Variants in RALGPS2 observed in about 807,000 individuals in gnomAD.
RALGPS2 encodes Ral GEF with PH domain and SH3 binding motif 2.
A neutral mutation model predicts 86.8 loss-of-function variants in RALGPS2; 43 were observed. The observed-to-expected ratio is 0.50, with a 90% CI of 0.39 to 0.64. The LOEUF is 0.64. RALGPS2 is among the 30% of genes least tolerant of loss of function. The probability of loss-of-function intolerance (pLI) is 0.00; values close to 1 mark genes in which losing one functional copy is unlikely to be tolerated. For synonymous variants in RALGPS2, 243 were observed against 231.3 expected (o/e 1.05, Z -0.46); for missense variants, 536 against 694.6 (o/e 0.77, Z 2.57).
chr1:178,801,867 G>A (rs1395606188), intron 4 of RALGPS2, among the ~76,000 whole-genome samples: 1 of 152,146 alleles, frequency 6.6e-6, no homozygotes, highest in African/African-American at 2.4e-5. Context: ...TTTGGAAGCA[G>A]CTGGGTTAAA....
intron 10 of RALGPS2, 65 bp from the exon 11 acceptor site, chr1:178,883,401 A>G (rs904122189): frequency 1.1e-5 from 14 of 1,275,038 alleles, no homozygotes; most frequent in Non-Finnish European, 1.6e-5. Flanking sequence ...AAAATACACA[A>G]CTTTAATCTT....
chr1:178,819,878 C>T (rs1655415077), intron 6 of RALGPS2, among the ~76,000 whole-genome samples: 1 of 152,124 alleles, frequency 6.6e-6, no homozygotes, highest in Non-Finnish European at 1.5e-5. Flanking sequence ...TGATTCCCTT[C>T]CTGTATGCCA....
intron 4 of RALGPS2, among the ~76,000 whole-genome samples, chr1:178,787,809 C>T (rs1451285163): frequency 2.0e-5 from 3 of 152,160 alleles, no homozygotes; most frequent in Non-Finnish European, 4.4e-5. Context: ...ACTGTCTTCT[C>T]TCAAGTGAAT....
chr1:178,865,489 C>T, intron 8 of RALGPS2: 1 of 1,614,124 alleles, frequency 6.2e-7, no homozygotes. Flanking sequence ...CTATCTCCCG[C>T]TTCTGCCTGG....
chr1:178,848,278 T>C (rs1005720086), intron 8 of RALGPS2, among the ~76,000 whole-genome samples: 1 of 151,920 alleles, frequency 6.6e-6, no homozygotes, highest in African/African-American at 2.4e-5. Context: ...GCCACTGCAC[T>C]CCAGCCTGGG....
chr1:178,767,358 CTTTTTTTTTTTTTT>C (rs1159630163), intron 1 of RALGPS2, among the ~76,000 whole-genome samples: 2 of 70,432 alleles, frequency 2.8e-5, no homozygotes, highest in Non-Finnish European at 5.1e-5. Context: ...TGTCCTTTGG[CTTTTTTTTTTTTTT>C]TTTTTTTTTG....
At chr1:178,792,947 T>C (rs958249390) in intron 4 of RALGPS2, among the ~76,000 whole-genome samples, 2 of 152,216 alleles carry the variant, frequency 1.3e-5, no homozygotes, top group Non-Finnish European at 2.9e-5. Context: ...GTCTTTTCTT[T>C]TTTAGTTTAA....
At position 178,877,635 on chromosome 1, in the gene RALGPS2, G is replaced by T; in HGVS notation, c.745G>T (p.Asp249Tyr). Reference protein sequence around the residue: ...ISDLQQSCEYDIPMLPHVQKY... With the variant: ...ISDLQQSCEYYIPMLPHVQKY... ...TGATTTACAGCAGTCTTGTGAATAT[G>T]GTAAGTTTCTAGGGGATAATGCCAA... Residue 249 changes from aspartate to tyrosine, a missense_variant and splice_region_variant, in exon 9 of 20, where the codon GAT (aspartate) becomes TAT (tyrosine). Asp to Tyr is a radical substitution (Grantham distance 160, BLOSUM62 -3). Coordinates refer to ENST00000367635, the MANE Select transcript of RALGPS2 (RefSeq NM_152663.5). 1 of 1,612,660 alleles carries T rather than the reference G, an allele frequency of 6.2e-7. No homozygotes were observed. Among genetic ancestry groups the T allele is most frequent in the South Asian group, 1.1e-5 (1 of 90,984 alleles).
intron 8 of RALGPS2, among the ~76,000 whole-genome samples, chr1:178,859,695 CTTTT>C (rs1190050936): frequency 1.8e-5 from 2 of 108,248 alleles, no homozygotes; most frequent in Admixed American, 9.5e-5. Context: ...ACACGAAGCA[CTTTT>C]TTTTTTTTTT....
chr1:178,788,846 T>TTTC (rs1323533993), intron 4 of RALGPS2, among the ~76,000 whole-genome samples: 16 of 27,662 alleles, frequency 5.8e-4, no homozygotes, highest in Middle Eastern at 0.02. Context: ...TCTTTCTTTC[T>TTTC]TTTCTTTTCT....
intron 1 of RALGPS2, among the ~76,000 whole-genome samples, chr1:178,764,959 A>G (rs554360846): frequency 1.3e-5 from 2 of 152,070 alleles, no homozygotes; most frequent in East Asian, 1.9e-4. Context: ...TGGTTGTTGG[A>G]CAGTGTGTAA....
intron 1 of RALGPS2, among the ~76,000 whole-genome samples, chr1:178,743,723 T>C (rs886243946): frequency 7.2e-5 from 11 of 152,222 alleles, no homozygotes; most frequent in African/African-American, 2.4e-4. Context: ...AATAACTTTA[T>C]GCCTATACAT....
chr1:178,815,183 T>C (rs1655168977), intron 6 of RALGPS2, among the ~76,000 whole-genome samples: 1 of 152,072 alleles, frequency 6.6e-6, no homozygotes, highest in South Asian at 2.1e-4. Context: ...TGGGTTCATG[T>C]GATTCTCCTG....
rs146341953 is a variant in RALGPS2 at position 178,890,713 on chromosome 1, G to A, written c.1247+1017G>A. Among the ~76,000 whole-genome samples, 72 of 151,894 alleles carry A rather than the reference G, an allele frequency of 4.7e-4. 2 individuals are homozygous for A. In the East Asian group the frequency reaches 7.9e-3, roughly 17 times the overall value. The stretch of plus-strand genomic sequence containing the variant: ...TATGTGATTAAGATTTTGTTTATAA[G>A]TTCTACATTGCAAAGTACTTTTGAT... On this transcript the variant is annotated intron_variant, in intron 14 of 19. Coordinates refer to ENST00000367635, the MANE Select transcript of RALGPS2 (RefSeq NM_152663.5).
intron 1 of RALGPS2, among the ~76,000 whole-genome samples, chr1:178,772,829 A>G (rs548646294): frequency 2.0e-4 from 30 of 152,176 alleles, no homozygotes; most frequent in Non-Finnish European, 3.7e-4. Context: ...TTTGAGGCGG[A>G]GTCTCGCTGT....
intron 1 of RALGPS2, among the ~76,000 whole-genome samples, chr1:178,773,440 C>T (rs1224883069): frequency 6.6e-6 from 1 of 152,144 alleles, no homozygotes; most frequent in Admixed American, 6.5e-5. Flanking sequence ...ATATATTTGG[C>T]ATATTTAATG....
intron 17 of RALGPS2, among the ~76,000 whole-genome samples, chr1:178,900,218 C>T (rs1475328692): frequency 1.3e-5 from 2 of 151,832 alleles, no homozygotes; most frequent in Non-Finnish European, 2.9e-5. Context: ...TATACCTGTT[C>T]ATGGCAATAA....
At chr1:178,814,343 A>G (rs749444350) in intron 6 of RALGPS2, among the ~76,000 whole-genome samples, 4 of 152,348 alleles carry the variant, frequency 2.6e-5, no homozygotes, top group African/African-American at 4.8e-5. Context: ...TGCTGCCATA[A>G]GCATTCTTGT....
rs143255550 is a variant in RALGPS2 at position 178,736,907 on chromosome 1, A to G, written c.-84+11488A>G. Among the ~76,000 whole-genome samples, 276 of 152,310 alleles carry G rather than the reference A, an allele frequency of 1.8e-3. 4 individuals carry two copies. Among genetic ancestry groups the G allele is most frequent in the African/African-American group, 6.5e-3 (271 of 41,584 alleles). ...AGGACACCCCTGTCTTAAAAAACAAAAAGCATATGAAGACTAATACAGTTA... is the reference window on the plus strand; with the variant it reads ...AGGACACCCCTGTCTTAAAAAACAAGAAGCATATGAAGACTAATACAGTTA... On this transcript the variant is annotated intron_variant, in intron 1 of 19. Coordinates refer to ENST00000367635, the MANE Select transcript of RALGPS2 (RefSeq NM_152663.5).
Sources: gnomAD v4.1 joint callset for allele counts (sites outside exome capture counted in the v4.1 genomes callset) on GRCh38, gnomAD v4.1.1 for gene constraint, MANE v1.5 for transcripts, NCBI Gene and HGNC (gene_info 2026-07-23, HGNC 2026-07-21) for gene names.